NTNG1: variants seen among roughly 807,000 people sequenced by gnomAD.
The protein encoded by NTNG1 is netrin G1, also known as netrin-G1.
Under a neutral mutation model 54.0 loss-of-function variants are expected in NTNG1, and 16 were observed. The ratio of observed to expected loss-of-function variants is 0.30; its 90% CI spans 0.20 to 0.45. NTNG1 has a LOEUF of 0.45. Among genes scored for constraint, NTNG1 ranks in the 20% least tolerant of loss-of-function variants. NTNG1 has a pLI of 1.00. For missense variants in NTNG1, 530 were observed against 678.7 expected, an observed-to-expected ratio of 0.78 and a Z score of 2.43; for synonymous variants, 255 against 263.1, an observed-to-expected ratio of 0.97 and a Z score of 0.30.
intron 2 of NTNG1, among the ~76,000 whole-genome samples, chr1:107,159,815 A>T (rs775848379): frequency 3.7e-4 from 57 of 152,236 alleles, no homozygotes; most frequent in Non-Finnish European, 1.2e-4. Flanking sequence ...GAAGGTTGAA[A>T]ATACATATTA....
intron 5 of NTNG1, among the ~76,000 whole-genome samples, chr1:107,420,255 T>A (rs1674490312): frequency 6.6e-6 from 1 of 152,096 alleles, no homozygotes; most frequent in South Asian, 2.1e-4. Context: ...CAGTTGCACT[T>A]TCTTAGAATG....
At chr1:107,288,640 A>G (rs187143615) in intron 2 of NTNG1, among the ~76,000 whole-genome samples, 65 of 152,316 alleles carry the variant, frequency 4.3e-4, no homozygotes, top group Non-Finnish European at 1.3e-4. Context: ...ATTTGCAATT[A>G]AATCATCTAT....
Position 107,321,191 on chromosome 1 carries a change from C to T in NTNG1, c.247-3091C>T, listed in dbSNP as rs558970117. On this transcript the variant is annotated intron_variant, in intron 2 of 7. Coordinates refer to ENST00000370068, the MANE Select transcript of NTNG1 (RefSeq NM_001113226.3). ...CACATTATGCTTGTTTGTTTAGTGC[C>T]TGTCCCCCAACTAGGATGGAAGTGC... Among the ~76,000 whole-genome samples, 10 of 152,180 alleles carry T rather than the reference C, an allele frequency of 6.6e-5. No individual in the cohort carries two copies. In the East Asian group the frequency reaches 1.9e-3, roughly 29 times the overall value.
intron 5 of NTNG1, chr1:107,409,965 C>T (rs1673689772): frequency 6.6e-6 from 1 of 152,102 alleles, no homozygotes; most frequent in African/African-American, 2.4e-5. Flanking sequence ...CAAGAATTCA[C>T]ACGTAGACGA....
chr1:107,171,775 C>T (rs1483055513), intron 2 of NTNG1, among the ~76,000 whole-genome samples: 2 of 152,210 alleles, frequency 1.3e-5, no homozygotes, highest in Non-Finnish European at 2.9e-5. Context: ...GCAGTGACAA[C>T]TGTTCACTTT....
chr1:107,152,572 C>T (rs1002118482), intron 2 of NTNG1, among the ~76,000 whole-genome samples: 11 of 152,124 alleles, frequency 7.2e-5, no homozygotes, highest in East Asian at 3.9e-4. Context: ...AGCCTACAGA[C>T]GGAAGAACTC....
intron 5 of NTNG1, among the ~76,000 whole-genome samples, chr1:107,424,270 G>A (rs1238118529): frequency 6.6e-6 from 1 of 152,060 alleles, no homozygotes; most frequent in Non-Finnish European, 1.5e-5. Flanking sequence ...ACCAGCAAGT[G>A]CAAAGGCCCT....
intron 2 of NTNG1, among the ~76,000 whole-genome samples, chr1:107,203,030 A>C (rs1365622500): frequency 6.6e-6 from 1 of 151,954 alleles, no homozygotes; most frequent in Non-Finnish European, 1.5e-5. Flanking sequence ...CACACTTTTT[A>C]AATGAAAAGA....
chr1:107,375,381 G>A (rs1211279993), intron 3 of NTNG1, among the ~76,000 whole-genome samples: 1 of 152,154 alleles, frequency 6.6e-6, no homozygotes, highest in African/African-American at 2.4e-5. Flanking sequence ...TCTTAAAAAC[G>A]TTTCGTATAT....
intron 2 of NTNG1, among the ~76,000 whole-genome samples, chr1:107,249,941 T>C (rs945991941): frequency 2.2e-4 from 33 of 152,234 alleles, no homozygotes; most frequent in African/African-American, 7.5e-4. Flanking sequence ...AACAGAGATA[T>C]TCATTTGTAA....
chr1:107,268,024 C>T (rs1663869742), intron 2 of NTNG1, among the ~76,000 whole-genome samples: 1 of 152,202 alleles, frequency 6.6e-6, no homozygotes, highest in South Asian at 2.1e-4. Context: ...ATCTCTCTTA[C>T]CAAAGTGAGG....
chr1:107,462,212 G>A (rs1054794511), intron 7 of NTNG1, among the ~76,000 whole-genome samples: 4 of 152,114 alleles, frequency 2.6e-5, no homozygotes, highest in Non-Finnish European at 5.9e-5. Flanking sequence ...TTTCTGTTTC[G>A]TGGAGAAAGA....
intron 5 of NTNG1, among the ~76,000 whole-genome samples, chr1:107,428,535 G>A (rs1306415994): frequency 6.6e-6 from 1 of 152,108 alleles, no homozygotes; most frequent in South Asian, 2.1e-4. Flanking sequence ...ACCCGGGTTA[G>A]GGAACATGAA....
At chr1:107,231,866 T>C (rs1028269816) in intron 2 of NTNG1, among the ~76,000 whole-genome samples, 13 of 151,868 alleles carry the variant, frequency 8.6e-5, no homozygotes, top group Non-Finnish European at 1.2e-4. Flanking sequence ...AGAAATAGAT[T>C]TAGTCCATGG....
chr1:107,386,143 ATGTGTG>A (rs201278430), intron 3 of NTNG1, among the ~76,000 whole-genome samples: 13 of 129,966 alleles, frequency 1.0e-4, no homozygotes, highest in African/African-American at 2.8e-4. Flanking sequence ...ATATATATAT[ATGTGTG>A]TATATATATA....
chr1:107,247,738 T>A (rs1464458933), intron 2 of NTNG1, among the ~76,000 whole-genome samples: 1 of 152,152 alleles, frequency 6.6e-6, no homozygotes, highest in Non-Finnish European at 1.5e-5. Flanking sequence ...AGTTATCTTA[T>A]AAAAAACAAA....
At chr1:107,211,832 A>G (rs560896256) in intron 2 of NTNG1, among the ~76,000 whole-genome samples, 1 of 152,288 alleles carries the variant, frequency 6.6e-6, no homozygotes, top group East Asian at 1.9e-4. Context: ...AGTCTAATGA[A>G]AGTACAATCA....
intron 2 of NTNG1, among the ~76,000 whole-genome samples, chr1:107,175,610 G>GT (rs529442969): frequency 1.0e-3 from 148 of 143,770 alleles, no homozygotes; most frequent in Middle Eastern, 7.5e-3. Flanking sequence ...TGTGTGTTTT[G>GT]TTTTTTTTTT....
chr1:107,182,251 C>G (rs1200698978), intron 2 of NTNG1, among the ~76,000 whole-genome samples: 1 of 152,056 alleles, frequency 6.6e-6, no homozygotes, highest in Non-Finnish European at 1.5e-5. Flanking sequence ...AGTATAGGCA[C>G]AAGTACAGCA....
Sources: gnomAD v4.1 joint callset for allele counts (sites outside exome capture counted in the v4.1 genomes callset) on GRCh38, gnomAD v4.1.1 for gene constraint, MANE v1.5 for transcripts, NCBI Gene and HGNC (gene_info 2026-07-23, HGNC 2026-07-21) for gene names.